Variants in FARS2 observed in about 807,000 individuals in gnomAD.
FARS2 encodes the protein phenylalanyl-tRNA synthetase 2, mitochondrial.
In FARS2, 40 loss-of-function variants were observed where a neutral mutation model predicts 46.4. The observed-to-expected ratio is 0.86, with a 90% CI of 0.67 to 1.12. FARS2 has a LOEUF of 1.12. Ranked by LOEUF, FARS2 falls within the 50% of genes most tolerant of loss-of-function variation. The pLI is 0.00. For missense variants in FARS2, 513 were observed against 567.9 expected (o/e 0.90, Z 0.98); for synonymous variants, 234 against 214.9 (o/e 1.09, Z -0.78).
chr6:5,468,854 G>A (rs79957647), intron 4 of FARS2, among the ~76,000 whole-genome samples: 5,527 of 152,252 alleles, frequency 0.036, 313 homozygotes, highest in African/African-American at 0.13. Context: ...TATGGGAGAT[G>A]TTCCTGGATA....
intron 1 of FARS2, among the ~76,000 whole-genome samples, chr6:5,340,802 C>T (rs949910936): frequency 1.3e-5 from 2 of 151,756 alleles, no homozygotes; most frequent in Non-Finnish European, 2.9e-5. Context: ...TTGGCTGTTG[C>T]GGGGAGGAGG....
intron 1 of FARS2, among the ~76,000 whole-genome samples, chr6:5,350,274 C>T (rs1429235352): frequency 6.6e-6 from 1 of 151,232 alleles, no homozygotes; most frequent in African/African-American, 2.4e-5. Context: ...TCCCAAAGTG[C>T]TGGGGTTATA....
chr6:5,738,953 A>G (rs985859908), intron 6 of FARS2, among the ~76,000 whole-genome samples: 1 of 152,190 alleles, frequency 6.6e-6, no homozygotes, highest in Non-Finnish European at 1.5e-5. Flanking sequence ...TCGTTAGAAC[A>G]GGCATCAGTC....
Position 5,539,384 on chromosome 6 carries a change from G to GTATATATATATATATATATATATATATA in FARS2, c.905-5781_905-5780insATATATATATATATATATATATATATAT, listed in dbSNP as rs1554106819. Reference sequence around the variant, plus strand: ...ACCATGCCCACCTAATTTTTTTTGTGTATATATATATATATGTATATATTT... The same window carrying GTATATATATATATATATATATATATATA: ...ACCATGCCCACCTAATTTTTTTTGTGTATATATATATATATATATATATATATATATATATATATATATGTATATATTT... On this transcript the variant is annotated intron_variant, in intron 4 of 6. Coordinates refer to ENST00000274680, the MANE Select transcript of FARS2 (RefSeq NM_006567.5). Among the ~76,000 whole-genome samples, 387 of 79,216 alleles carry GTATATATATATATATATATATATATATA rather than the reference G, an allele frequency of 4.9e-3. 7 individuals are homozygous for GTATATATATATATATATATATATATATA. The highest frequency in any genetic ancestry group is 7.6e-3 in the African/African-American group (163 of 21,530). 52.0% of individuals were successfully genotyped at this position (79,216 alleles called of 152,430 possible).
intron 1 of FARS2, among the ~76,000 whole-genome samples, chr6:5,364,741 A>G (rs1758538069): frequency 6.6e-6 from 1 of 152,190 alleles, no homozygotes; most frequent in Admixed American, 6.5e-5. Flanking sequence ...ATTTGTAAAA[A>G]CAGACTATGG....
intron 6 of FARS2, among the ~76,000 whole-genome samples, chr6:5,688,039 C>T (rs759724880): frequency 9.2e-5 from 14 of 152,140 alleles, no homozygotes; most frequent in Non-Finnish European, 1.3e-4. Flanking sequence ...GTGATTTTTG[C>T]ACATTGATTT....
At chr6:5,455,943 G>A (rs1249793936) in intron 4 of FARS2, among the ~76,000 whole-genome samples, 3 of 152,166 alleles carry the variant, frequency 2.0e-5, no homozygotes, top group African/African-American at 7.2e-5. Flanking sequence ...AAGGCTGGGC[G>A]CGGTAGCTTA....
chr6:5,257,118 A>G (rs1764714164), upstream of FARS2, among the ~76,000 whole-genome samples: 1 of 152,122 alleles, frequency 6.6e-6, no homozygotes, highest in South Asian at 2.1e-4. Flanking sequence ...AGAGTGATCT[A>G]TCAGAAAATG....
At chr6:5,556,841 C>A (rs907288053) in intron 5 of FARS2, among the ~76,000 whole-genome samples, 1 of 151,978 alleles carries the variant, frequency 6.6e-6, no homozygotes. Context: ...TAAGAACTTT[C>A]TATTTATAGA....
At chr6:5,563,598 A>C (rs1367016776) in intron 5 of FARS2, among the ~76,000 whole-genome samples, 2 of 152,090 alleles carry the variant, frequency 1.3e-5, no homozygotes, top group Non-Finnish European at 2.9e-5. Context: ...CCTGCTGAAA[A>C]GGGGTTTCGA....
At position 5,482,393 on chromosome 6, in the gene FARS2, G is replaced by A. The variant is rs561457546; in HGVS notation, c.904+51221G>A. 5.9e-5 allele frequency among the ~76,000 whole-genome samples: 9 copies of A among 152,312 alleles called. 1 individual carries two copies. In the South Asian group the frequency reaches 1.7e-3, roughly 28 times the overall value. ...GATTAAATGAAGTAAGGTGAGGCAT[G>A]CGGAACTCTACAAATGCCCACTTAA... On this transcript the variant is annotated intron_variant, in intron 4 of 6. Transcript: ENST00000274680.
intron 4 of FARS2, among the ~76,000 whole-genome samples, chr6:5,526,003 A>G (rs980831599): frequency 1.3e-5 from 2 of 152,352 alleles, no homozygotes; most frequent in Non-Finnish European, 2.9e-5. Flanking sequence ...GTTGAAGAAT[A>G]TTTCTGCAGC....
chr6:5,723,164 C>A, intron 6 of FARS2, among the ~76,000 whole-genome samples: 1 of 152,066 alleles, frequency 6.6e-6, no homozygotes, highest in Non-Finnish European at 1.5e-5. Context: ...AGGTGACAGG[C>A]CACGAATGGG....
At position 5,368,891 on chromosome 6, in the gene FARS2, C is replaced by T; in HGVS notation, c.321C>T (p.Thr107=). 1.2e-6 allele frequency: 2 copies of T among 1,614,128 alleles called. No individual in the cohort carries two copies. The highest frequency in any genetic ancestry group is 2.2e-5 in the East Asian group (1 of 44,860). The change falls in exon 2 of 7, where the codon ACC becomes ACT. Residue 107 remains threonine, a synonymous_variant. Transcript: ENST00000274680. ...AGCAGTATGTGGGCCGCTTTGGGACCCCGTTGTTCTCGGTCTACGACAACC... is the reference window on the plus strand; with the variant it reads ...AGCAGTATGTGGGCCGCTTTGGGACTCCGTTGTTCTCGGTCTACGACAACC... The part of the protein sequence containing the change: ...FYKQYVGRFG[T]PLFSVYDNLS...
At chr6:5,525,905 A>C (rs1185235073) in intron 4 of FARS2, among the ~76,000 whole-genome samples, 1 of 152,260 alleles carries the variant, frequency 6.6e-6, no homozygotes, top group Non-Finnish European at 1.5e-5. Flanking sequence ...TGTGCAACTC[A>C]ATAAATTTTA....
chr6:5,616,925 G>T (rs1408848684), intron 6 of FARS2, among the ~76,000 whole-genome samples: 1 of 151,934 alleles, frequency 6.6e-6, no homozygotes, highest in South Asian at 2.1e-4. Flanking sequence ...GAAGCTGAGA[G>T]AAATTTCTGT....
chr6:5,725,001 A>G (rs114404374), intron 6 of FARS2, among the ~76,000 whole-genome samples: 3,229 of 152,354 alleles, frequency 0.021, 50 homozygotes, highest in Middle Eastern at 0.099. Context: ...ACAAAATTCT[A>G]AAGATGAAAT....
At chr6:5,646,879 T>C (rs1777107521) in intron 6 of FARS2, among the ~76,000 whole-genome samples, 1 of 152,220 alleles carries the variant, frequency 6.6e-6, no homozygotes, top group Non-Finnish European at 1.5e-5. Context: ...GTTGGTTGAA[T>C]CCATGGATAT....
At chr6:5,318,397 A>AACAC (rs1769708562) in intron 1 of FARS2, among the ~76,000 whole-genome samples, 2 of 145,094 alleles carry the variant, frequency 1.4e-5, no homozygotes, top group Admixed American at 7.0e-5. Flanking sequence ...CAAAAAAAAA[A>AACAC]AAAAAAAAAA....
Sources: gnomAD v4.1 joint callset for allele counts (sites outside exome capture counted in the v4.1 genomes callset) on GRCh38, gnomAD v4.1.1 for gene constraint, MANE v1.5 for transcripts, NCBI Gene and HGNC (gene_info 2026-07-23, HGNC 2026-07-21) for gene names.